NFIB: variants seen among roughly 807,000 people sequenced by gnomAD.
NFIB encodes nuclear factor 1 B-type.
Under a neutral mutation model 61.5 loss-of-function variants are expected in NFIB, and 11 were observed. The observed-to-expected ratio is 0.18, with a 90% CI of 0.11 to 0.30. The LOEUF is 0.30. Among genes scored for constraint, NFIB ranks in the 10% least tolerant of loss-of-function variants. The pLI is 1.00. For synonymous variants in NFIB, 260 were observed against 216.5 expected, an observed-to-expected ratio of 1.20 and a Z score of -1.76; for missense variants, 471 against 608.9, an observed-to-expected ratio of 0.77 and a Z score of 2.38.
chr9:14,396,089 T>C (rs1403052311), intron 1 of NFIB, among the ~76,000 whole-genome samples: 5 of 152,182 alleles, frequency 3.3e-5, no homozygotes, highest in Non-Finnish European at 7.3e-5. Flanking sequence ...CCTATATCTA[T>C]ATTGATTTAT....
intron 1 of NFIB, among the ~76,000 whole-genome samples, chr9:14,375,636 C>T (rs952871292): frequency 2.7e-5 from 4 of 150,308 alleles, no homozygotes; most frequent in East Asian, 3.9e-4. Context: ...CTAGCCTGGG[C>T]AAAAAGAGCA....
At chr9:14,444,887 G>A in the NFIB span, among the ~76,000 whole-genome samples, 1 of 152,122 alleles carries the variant, frequency 6.6e-6, no homozygotes, top group Non-Finnish European at 1.5e-5. Flanking sequence ...TCACTTACAT[G>A]ATAATCATTC....
At chr9:14,351,642 C>T (rs1329651252) in intron 1 of NFIB, among the ~76,000 whole-genome samples, 1 of 152,194 alleles carries the variant, frequency 6.6e-6, no homozygotes, top group Admixed American at 6.5e-5. Flanking sequence ...CCCTTTCTGT[C>T]TATCCTAGAT....
intron 2 of NFIB, among the ~76,000 whole-genome samples, chr9:14,272,900 A>G (rs373358755): frequency 1.4e-4 from 22 of 152,302 alleles, no homozygotes; most frequent in African/African-American, 5.3e-4. Context: ...TGATTTATGT[A>G]AATGTGTTAC....
chr9:14,164,164 A>G (rs1054672769), intron 3 of NFIB, among the ~76,000 whole-genome samples: 2 of 152,102 alleles, frequency 1.3e-5, no homozygotes, highest in African/African-American at 4.8e-5. Flanking sequence ...CTCTAAAAAG[A>G]CCAACAAGAC....
At chr9:14,218,441 T>A (rs79000134) in intron 2 of NFIB, among the ~76,000 whole-genome samples, 9,130 of 152,152 alleles carry the variant, frequency 0.06, 899 homozygotes, top group African/African-American at 0.21. Context: ...ACACAGCTTT[T>A]ATCAGGTGCT....
At chr9:14,472,424 G>T in the NFIB span, among the ~76,000 whole-genome samples, 1 of 152,154 alleles carries the variant, frequency 6.6e-6, no homozygotes, top group African/African-American at 2.4e-5. Flanking sequence ...GGAACATTAA[G>T]GCAATTGTAC....
At chr9:14,508,563 A>G in the NFIB span, among the ~76,000 whole-genome samples, 2 of 152,268 alleles carry the variant, frequency 1.3e-5, no homozygotes, top group Admixed American at 1.3e-4. Context: ...CATAAAGTCC[A>G]GGAACCACTG....
chr9:14,450,389 C>T, the NFIB span, among the ~76,000 whole-genome samples: 1 of 152,308 alleles, frequency 6.6e-6, no homozygotes, highest in African/African-American at 2.4e-5. Flanking sequence ...TTCCATGAAC[C>T]TCTTGCCCAA....
At chr9:14,140,571 A>G (rs1205132170) in intron 6 of NFIB, among the ~76,000 whole-genome samples, 3 of 152,222 alleles carry the variant, frequency 2.0e-5, no homozygotes, top group Admixed American at 6.5e-5. Context: ...TTACAAAAAA[A>G]CTTTGCAAAT....
upstream of NFIB, among the ~76,000 whole-genome samples, chr9:14,401,475 G>A (rs555673767): frequency 6.6e-6 from 1 of 152,156 alleles, no homozygotes; most frequent in African/African-American, 2.4e-5. Flanking sequence ...AAGAAACCTA[G>A]GGCAGCGTCT....
intron 2 of NFIB, 73 bp from the exon 3 acceptor site, chr9:14,179,853 GA>G (rs1018490117): frequency 1.7e-4 from 245 of 1,448,848 alleles, no homozygotes; most frequent in South Asian, 2.0e-4. Flanking sequence ...CAAAGGACTC[GA>G]AAAAAAAATT....
the NFIB span, among the ~76,000 whole-genome samples, chr9:14,504,165 T>C: frequency 1.3e-5 from 2 of 152,212 alleles, no homozygotes; most frequent in East Asian, 3.9e-4. Context: ...CTGATTCCTC[T>C]ATTCTGTTCC....
intron 4 of NFIB, among the ~76,000 whole-genome samples, chr9:14,150,880 T>G (rs1354201486): frequency 6.6e-6 from 1 of 152,170 alleles, no homozygotes; most frequent in Non-Finnish European, 1.5e-5. Context: ...ATACCCCATT[T>G]ACCCTGATGT....
At chr9:14,389,173 C>T (rs1050167144) in intron 1 of NFIB, among the ~76,000 whole-genome samples, 1 of 152,148 alleles carries the variant, frequency 6.6e-6, no homozygotes, top group African/African-American at 2.4e-5. Context: ...TTGTGTGTAA[C>T]ATGAAGTTAG....
At chr9:14,240,529 T>C (rs1316350147) in intron 2 of NFIB, among the ~76,000 whole-genome samples, 1 of 152,186 alleles carries the variant, frequency 6.6e-6, no homozygotes, top group Admixed American at 6.6e-5. Flanking sequence ...CTTCAAACTT[T>C]ATCCAAAAAC....
chr9:14,229,462 C>T (rs1463804782), intron 2 of NFIB, among the ~76,000 whole-genome samples: 1 of 152,176 alleles, frequency 6.6e-6, no homozygotes, highest in Admixed American at 6.5e-5. Context: ...GTCAGCTTTA[C>T]ATGTACTAAT....
chr9:14,104,638 T>C (rs1042331222), intron 10 of NFIB, among the ~76,000 whole-genome samples: 2 of 152,014 alleles, frequency 1.3e-5, no homozygotes, highest in Non-Finnish European at 2.9e-5. Flanking sequence ...TGGAGTTCAC[T>C]GGTACGATCA....
At chr9:14,469,407 C>A in the NFIB span, among the ~76,000 whole-genome samples, 1 of 152,184 alleles carries the variant, frequency 6.6e-6, no homozygotes, top group Non-Finnish European at 1.5e-5. Flanking sequence ...ATTCGGAACC[C>A]ATCTCTGGAT....
Sources: allele counts gnomAD v4.1 joint callset (sites outside exome capture counted in the v4.1 genomes callset), GRCh38; gene constraint gnomAD v4.1.1; transcripts MANE v1.5; gene names NCBI Gene and HGNC (gene_info 2026-07-23, HGNC 2026-07-21).